CNIH3: variants seen among roughly 807,000 people sequenced by gnomAD.
The protein encoded by CNIH3 is cornichon family AMPA receptor auxiliary protein 3, also known as protein cornichon homolog 3.
CNIH3 carries 14 observed loss-of-function variants against 24.1 expected under a neutral mutation model. The observed-to-expected ratio is 0.58, with a 90% CI of 0.38 to 0.91. The LOEUF is 0.91. Ranked by LOEUF, CNIH3 falls within the 40% of genes least tolerant of loss-of-function variation. The pLI, the probability that CNIH3 is intolerant of heterozygous loss-of-function variation, is 0.00. For synonymous variants in CNIH3, 68 were observed against 73.8 expected, an observed-to-expected ratio of 0.92 and a Z score of 0.40; for missense variants, 178 against 196.8, an observed-to-expected ratio of 0.90 and a Z score of 0.57.
rs138697998 is a variant in CNIH3 at position 224,702,039 on chromosome 1, C to T, written c.198+17196C>T. Among the ~76,000 whole-genome samples, 14 of 152,308 alleles carry T rather than the reference C, an allele frequency of 9.2e-5. No individual in the cohort carries two copies. In the East Asian group the frequency reaches 2.7e-3, roughly 29 times the overall value. On this transcript the variant is annotated intron_variant, in intron 3 of 5. Coordinates refer to ENST00000272133, the MANE Select transcript of CNIH3 (RefSeq NM_152495.2). Reference sequence around the variant, plus strand: ...ATCCTCCCGTCATGCTGTATCTCCACTTGCATTTAGATAGACAAATACATG... The same window carrying T: ...ATCCTCCCGTCATGCTGTATCTCCATTTGCATTTAGATAGACAAATACATG...
intron 1 of CNIH3, among the ~76,000 whole-genome samples, chr1:224,467,630 G>A (rs1225646013): frequency 6.6e-6 from 1 of 151,772 alleles, no homozygotes; most frequent in East Asian, 1.9e-4. Context: ...CACCATATTG[G>A]CCAGGCTGGT....
intron 3 of CNIH3, among the ~76,000 whole-genome samples, chr1:224,551,905 T>C (rs772210241): frequency 6.6e-6 from 1 of 151,326 alleles, no homozygotes; most frequent in Admixed American, 6.6e-5. Flanking sequence ...GTTATACTAC[T>C]AATATCACAT....
chr1:224,680,993 G>A lies in CNIH3; in HGVS notation c.117G>A (p.Lys39=). Residue 39 remains lysine, a synonymous_variant, in exon 2 of 6, where the codon AAG becomes AAA. Coordinates refer to ENST00000272133, the MANE Select transcript of CNIH3 (RefSeq NM_152495.2). The part of the protein sequence containing the change: ...IAFDELRTDF[K]SPIDQCNPVH... The stretch of plus-strand genomic sequence containing the variant: ...TTGATGAGTTAAGGACAGATTTTAA[G>A]AGCCCCATAGACCAGTGCAATCCTG... 1 of 1,614,134 alleles carries A rather than the reference G, an allele frequency of 6.2e-7. No homozygotes were observed. Among genetic ancestry groups the A allele is most frequent in the Admixed American group, 1.7e-5 (1 of 60,030 alleles).
intron 1 of CNIH3, among the ~76,000 whole-genome samples, chr1:224,620,591 C>A (rs1316896953): frequency 6.6e-6 from 1 of 152,100 alleles, no homozygotes; most frequent in East Asian, 1.9e-4. Flanking sequence ...AATTAGACTT[C>A]TGCTTATAAA....
chr1:224,550,798 A>G (rs1337845581), intron 3 of CNIH3, among the ~76,000 whole-genome samples: 3 of 151,826 alleles, frequency 2.0e-5, no homozygotes, highest in Non-Finnish European at 4.4e-5. Flanking sequence ...GGTGTGCTGC[A>G]CCCATTAACT....
At chr1:224,661,657 G>A (rs1685361407) in intron 1 of CNIH3, 3 of 257,530 alleles carry the variant, frequency 1.2e-5, no homozygotes, top group South Asian at 1.1e-4. Flanking sequence ...CTTCCGCCAC[G>A]TCCTCTACCA....
Position 224,465,371 on chromosome 1 carries a change from A to C in CNIH3, n.203+30509A>C, listed in dbSNP as rs552257267. 7.9e-5 allele frequency among the ~76,000 whole-genome samples: 12 copies of C among 152,330 alleles called. No individual in the cohort carries two copies. The South Asian group carries it at 2.5e-3, about 32-fold the overall frequency. On this transcript the variant is annotated intron_variant and non_coding_transcript_variant, in intron 1 of 5. Coordinates refer to the CNIH3 transcript ENST00000471578. ...TCATCTGCCCACCTTGGCCTCCCAA[A>C]GTGCTAGGATTACCGGTGTGACCCA...
chr1:224,463,983 G>C (rs569819494), intron 1 of CNIH3, among the ~76,000 whole-genome samples: 23 of 148,442 alleles, frequency 1.5e-4, no homozygotes, highest in Non-Finnish European at 3.1e-4. Context: ...TAGAGACGGG[G>C]TTTCACCATA....
intron 1 of CNIH3, among the ~76,000 whole-genome samples, chr1:224,505,073 G>A (rs1021679783): frequency 2.8e-5 from 3 of 108,218 alleles, no homozygotes; most frequent in Non-Finnish European, 1.7e-5. Context: ...TTTCTTGTGA[G>A]AGACAGGTCA....
At chr1:224,563,804 T>C (rs1680473086) in intron 3 of CNIH3, among the ~76,000 whole-genome samples, 1 of 152,208 alleles carries the variant, frequency 6.6e-6, no homozygotes, top group African/African-American at 2.4e-5. Context: ...TTTTATACTG[T>C]TGGGCATCAG....
At chr1:224,629,860 T>G (rs1683733380) in intron 1 of CNIH3, among the ~76,000 whole-genome samples, 1 of 152,168 alleles carries the variant, frequency 6.6e-6, no homozygotes, top group Non-Finnish European at 1.5e-5. Context: ...TGCATTTGCT[T>G]AAGTATCTGG....
intron 2 of CNIH3, among the ~76,000 whole-genome samples, chr1:224,533,644 G>C (rs1054774790): frequency 1.3e-5 from 2 of 152,074 alleles, no homozygotes; most frequent in Admixed American, 1.3e-4. Flanking sequence ...CTAGTAATCC[G>C]TGGCCTTTCT....
intron 3 of CNIH3, among the ~76,000 whole-genome samples, chr1:224,594,983 T>C (rs1002206065): frequency 3.9e-5 from 6 of 152,240 alleles, no homozygotes; most frequent in Non-Finnish European, 8.8e-5. Flanking sequence ...GAGAACCTTG[T>C]GTTGAGCAAG....
chr1:224,526,345 A>G (rs1678846025), intron 2 of CNIH3, among the ~76,000 whole-genome samples: 1 of 152,202 alleles, frequency 6.6e-6, no homozygotes. Flanking sequence ...CTAATGAACC[A>G]TGAATGGGAT....
At chr1:224,490,944 G>A (rs1430959038) in intron 1 of CNIH3, among the ~76,000 whole-genome samples, 3 of 152,202 alleles carry the variant, frequency 2.0e-5, no homozygotes, top group Non-Finnish European at 1.5e-5. Flanking sequence ...CTATGGGTTG[G>A]CATTTGCCTT....
At chr1:224,583,538 G>A (rs962390422) in intron 5 of CNIH3, among the ~76,000 whole-genome samples, 1 of 152,138 alleles carries the variant, frequency 6.6e-6, no homozygotes, top group Non-Finnish European at 1.5e-5. Context: ...GATAGTTTAG[G>A]GAAGATAACA....
At chr1:224,559,742 T>C (rs989526627) in intron 3 of CNIH3, among the ~76,000 whole-genome samples, 1 of 152,126 alleles carries the variant, frequency 6.6e-6, no homozygotes, top group African/African-American at 2.4e-5. Context: ...ATGCATAAAA[T>C]ATGTTAGTAA....
intron 3 of CNIH3, among the ~76,000 whole-genome samples, chr1:224,705,850 C>CTTTTTTCTT (rs1687762236): frequency 6.7e-5 from 6 of 90,206 alleles, no homozygotes; most frequent in South Asian, 4.3e-4. Context: ...TCTTTCTTTT[C>CTTTTTTCTT]TTTTTTTTCT....
At chr1:224,452,583 C>CATCCT (rs1436223063) in intron 1 of CNIH3, among the ~76,000 whole-genome samples, 5 of 148,378 alleles carry the variant, frequency 3.4e-5, no homozygotes, top group African/African-American at 7.4e-5. Flanking sequence ...AGATTGAGAC[C>CATCCT]ATCCTGGCTA....
Sources: gnomAD v4.1 joint callset for allele counts (sites outside exome capture counted in the v4.1 genomes callset) on GRCh38, gnomAD v4.1.1 for gene constraint, MANE v1.5 for transcripts, NCBI Gene and HGNC (gene_info 2026-07-23, HGNC 2026-07-21) for gene names.